The following IGSF21 variants were observed in gnomAD, a reference collection of about 807,000 sequenced individuals.
IGSF21 encodes the protein immunoglobulin superfamily member 21.
Under a neutral mutation model 46.8 loss-of-function variants are expected in IGSF21, and 28 were observed. The ratio of observed to expected loss-of-function variants is 0.60; its 90% CI spans 0.44 to 0.82. The LOEUF is 0.82. Among genes scored for constraint, IGSF21 ranks in the 40% least tolerant of loss-of-function variants. The pLI is 0.00. For missense variants in IGSF21, 624 were observed against 665.5 expected (o/e 0.94, Z 0.69); for synonymous variants, 284 against 273.6 (o/e 1.04, Z -0.38).
chr1:18,276,479 C>T (rs536646894), intron 2 of IGSF21, among the ~76,000 whole-genome samples: 1 of 152,318 alleles, frequency 6.6e-6, no homozygotes, highest in East Asian at 1.9e-4. Context: ...GAGATTGGCA[C>T]ACGTCTGCCA....
intron 4 of IGSF21, among the ~76,000 whole-genome samples, chr1:18,351,248 C>A (rs2085950600): frequency 6.6e-6 from 1 of 150,426 alleles, no homozygotes; most frequent in Admixed American, 6.6e-5. Flanking sequence ...CGCTAAGTGG[C>A]AGTACTTCAT....
chr1:18,153,770 G>A (rs868078219), intron 1 of IGSF21, among the ~76,000 whole-genome samples: 36 of 152,218 alleles, frequency 2.4e-4, no homozygotes, highest in Middle Eastern at 6.8e-3. Flanking sequence ...CTTGAGTTCC[G>A]TTGGTCTGAG....
chr1:18,348,407 CCCAGGCCCCG>C (rs1557654793), intron 4 of IGSF21, among the ~76,000 whole-genome samples: 1 of 152,204 alleles, frequency 6.6e-6, no homozygotes, highest in African/African-American at 2.4e-5. Flanking sequence ...GCTTCAGCCT[CCCAGGCCCCG>C]CCAGAGCAGG....
intron 2 of IGSF21, among the ~76,000 whole-genome samples, chr1:18,229,020 A>G (rs182056512): frequency 3.8e-4 from 58 of 152,264 alleles, no homozygotes; most frequent in African/African-American, 1.4e-3. Context: ...TTTTTTTTCA[A>G]TGATTAAAAA....
At chr1:18,190,803 C>T (rs2124475853) in intron 1 of IGSF21, among the ~76,000 whole-genome samples, 1 of 152,314 alleles carries the variant, frequency 6.6e-6, no homozygotes, top group Non-Finnish European at 1.5e-5. Context: ...CACGCCATCT[C>T]CCCAGGGCAC....
At chr1:18,343,720 T>A (rs1255572768) in intron 4 of IGSF21, among the ~76,000 whole-genome samples, 3 of 152,254 alleles carry the variant, frequency 2.0e-5, no homozygotes, top group African/African-American at 7.2e-5. Context: ...CATTGAATTA[T>A]CTTGGCATCC....
intron 4 of IGSF21, among the ~76,000 whole-genome samples, chr1:18,359,819 G>A (rs1292717435): frequency 6.6e-6 from 1 of 152,142 alleles, no homozygotes; most frequent in Non-Finnish European, 1.5e-5. Context: ...AATGTTCCTG[G>A]TGGTTCAAAT....
chr1:18,372,867 T>C (rs1293374928), intron 6 of IGSF21, among the ~76,000 whole-genome samples: 82 of 12,018 alleles, frequency 6.8e-3, no homozygotes, highest in Non-Finnish European at 0.013. Flanking sequence ...GATGGATGGG[T>C]GGATGGATGG....
chr1:18,325,884 G>A (rs1487182344), intron 3 of IGSF21, among the ~76,000 whole-genome samples: 1 of 152,168 alleles, frequency 6.6e-6, no homozygotes, highest in Non-Finnish European at 1.5e-5. Context: ...GAGGGCAGCC[G>A]GGGATAGGCA....
At chr1:18,170,528 T>C (rs1003743251) in intron 1 of IGSF21, among the ~76,000 whole-genome samples, 3 of 151,748 alleles carry the variant, frequency 2.0e-5, no homozygotes, top group Admixed American at 2.0e-4. Context: ...GATTTTATCC[T>C]ATATATTTTA....
In IGSF21 at chr1:18,290,918, A is replaced by G. The variant is rs2085258992; in HGVS notation, c.184-948A>G. 6.6e-6 allele frequency among the ~76,000 whole-genome samples: 1 copy of G among 151,724 alleles called. No individual in the cohort carries two copies. The highest frequency in any genetic ancestry group is 2.1e-4 in the South Asian group (1 of 4,814). On this transcript the variant is annotated intron_variant, in intron 2 of 9. Coordinates refer to ENST00000251296, the MANE Select transcript of IGSF21 (RefSeq NM_032880.5). The surrounding 1 kb of genome is among the most constrained non-coding windows in gnomAD (Gnocchi z 4.2). ...CTAGGCCCAGGCATGAGGCCTCCCC[A>G]TTGCAGGCTGTTAGCGCAGAGCCCA...
intron 1 of IGSF21, among the ~76,000 whole-genome samples, chr1:18,182,121 C>A (rs922937059): frequency 6.6e-6 from 1 of 151,492 alleles, no homozygotes; most frequent in Non-Finnish European, 1.5e-5. Flanking sequence ...AGCTTTCCTT[C>A]CTTTCCTTCC....
intron 1 of IGSF21, among the ~76,000 whole-genome samples, chr1:18,155,500 A>G (rs2086559821): frequency 6.6e-6 from 1 of 152,214 alleles, no homozygotes; most frequent in Non-Finnish European, 1.5e-5. Context: ...AGTCAGAAAA[A>G]GGGGTCCCAC....
chr1:18,353,748 G>A (rs566755399), intron 4 of IGSF21, among the ~76,000 whole-genome samples: 3 of 152,338 alleles, frequency 2.0e-5, no homozygotes, highest in Admixed American at 1.3e-4. Flanking sequence ...GCTGGAAAGA[G>A]CTGAGTGTGT....
chr1:18,367,815 G>A, intron 6 of IGSF21, among the ~76,000 whole-genome samples: 1 of 151,370 alleles, frequency 6.6e-6, no homozygotes, highest in Non-Finnish European at 1.5e-5. Flanking sequence ...ATATCGGCCA[G>A]GCTGGTCTCA....
At chr1:18,207,099 GT>G (rs1401225855) in intron 1 of IGSF21, among the ~76,000 whole-genome samples, 2 of 152,282 alleles carry the variant, frequency 1.3e-5, no homozygotes, top group Non-Finnish European at 1.5e-5. Flanking sequence ...TCAATTCCTT[GT>G]GGGTGTAGGA....
At chr1:18,153,217 G>A (rs1031566) in intron 1 of IGSF21, among the ~76,000 whole-genome samples, 149,513 of 152,324 alleles carry the variant, frequency 0.98, 73,430 homozygotes, top group East Asian at 1. Flanking sequence ...AGTGATGGAG[G>A]CATTCCCGGG....
At chr1:18,180,769 T>C (rs915551656) in intron 1 of IGSF21, among the ~76,000 whole-genome samples, 1 of 152,250 alleles carries the variant, frequency 6.6e-6, no homozygotes, top group Non-Finnish European at 1.5e-5. Flanking sequence ...TTAACTCATT[T>C]AAGGCTTATA....
chr1:18,344,979 G>A (rs1295259894), intron 4 of IGSF21, among the ~76,000 whole-genome samples: 1 of 152,236 alleles, frequency 6.6e-6, no homozygotes, highest in Non-Finnish European at 1.5e-5. Flanking sequence ...CCAGGCCAGA[G>A]CTGCAGAGAA....
Sources: allele counts gnomAD v4.1 joint callset (sites outside exome capture counted in the v4.1 genomes callset), GRCh38; gene constraint gnomAD v4.1.1; non-coding constraint Gnocchi (gnomAD v3.1); transcripts MANE v1.5; gene names NCBI Gene and HGNC (gene_info 2026-07-23, HGNC 2026-07-21).